Variants in PCDH15 observed in about 807,000 individuals in gnomAD.
The protein encoded by PCDH15 is protocadherin-15.
Under a neutral mutation model 178.5 loss-of-function variants are expected in PCDH15, and 129 were observed. That is an observed-to-expected ratio of 0.72 (90% CI 0.63 to 0.84). The LOEUF (loss-of-function observed/expected upper bound fraction) is 0.84. Ranked by LOEUF, PCDH15 falls within the 40% of genes least tolerant of loss-of-function variation. PCDH15 has a pLI of 0.00. For missense variants in PCDH15, 2,230 were observed against 2,099.9 expected, an observed-to-expected ratio of 1.06 and a Z score of -1.21; for synonymous variants, 800 against 732.0, an observed-to-expected ratio of 1.09 and a Z score of -1.50.
At chr10:54,368,473 T>C (rs951187768) in intron 5 of PCDH15, among the ~76,000 whole-genome samples, 2 of 151,968 alleles carry the variant, frequency 1.3e-5, no homozygotes, top group Non-Finnish European at 2.9e-5. Context: ...TAAAAATAAT[T>C]AATACAGTAA....
At chr10:54,175,690 T>C (rs867875536) in intron 13 of PCDH15, among the ~76,000 whole-genome samples, 43 of 152,310 alleles carry the variant, frequency 2.8e-4, no homozygotes, top group Middle Eastern at 6.8e-3. Context: ...CTAGCTAGCC[T>C]GCCTCCCAAT....
intron 1 of PCDH15, among the ~76,000 whole-genome samples, chr10:54,696,340 C>G: frequency 6.6e-6 from 1 of 152,040 alleles, no homozygotes; most frequent in East Asian, 1.9e-4. Flanking sequence ...GCTGCAATCT[C>G]ATGATAAAAT....
intron 2 of PCDH15, among the ~76,000 whole-genome samples, chr10:55,110,314 C>G (rs1837468272): frequency 1.3e-5 from 2 of 151,938 alleles, no homozygotes; most frequent in South Asian, 4.1e-4. Flanking sequence ...TATATTGGAA[C>G]AGTGTCTGGT....
intron 25 of PCDH15, among the ~76,000 whole-genome samples, chr10:53,937,791 C>CA (rs1250320049): frequency 1.3e-5 from 2 of 152,108 alleles, no homozygotes; most frequent in Non-Finnish European, 2.9e-5. Flanking sequence ...TCTTTTCTCT[C>CA]ACACTGCCTG....
intron 25 of PCDH15, among the ~76,000 whole-genome samples, chr10:53,917,404 C>G (rs2083615159): frequency 6.6e-6 from 1 of 151,728 alleles, no homozygotes; most frequent in Non-Finnish European, 1.5e-5. Context: ...ATATTTATGC[C>G]CCAAAACTAA....
chr10:54,747,116 C>CTTT (rs1945570891), intron 1 of PCDH15, among the ~76,000 whole-genome samples: 1 of 152,166 alleles, frequency 6.6e-6, no homozygotes, highest in African/African-American at 2.4e-5. Flanking sequence ...TTAGCACATA[C>CTTT]CACATTTCCA....
intron 1 of PCDH15, among the ~76,000 whole-genome samples, chr10:55,297,768 AT>A (rs1843170290): frequency 6.6e-6 from 1 of 152,242 alleles, no homozygotes; most frequent in Admixed American, 6.5e-5. Context: ...GGGCTGGGGC[AT>A]GACTGAGAAA....
chr10:55,283,374 T>C (rs546904057), intron 1 of PCDH15, among the ~76,000 whole-genome samples: 1 of 152,144 alleles, frequency 6.6e-6, no homozygotes, highest in East Asian at 1.9e-4. Context: ...TTAAAAACTC[T>C]GATCCCTGAA....
At chr10:54,894,269 A>G (rs1408815435) in intron 3 of PCDH15, among the ~76,000 whole-genome samples, 1 of 152,154 alleles carries the variant, frequency 6.6e-6, no homozygotes, top group Non-Finnish European at 1.5e-5. Flanking sequence ...CAAGGGGTTT[A>G]TAATCTGTGG....
intron 2 of PCDH15, among the ~76,000 whole-genome samples, chr10:55,589,558 T>C (rs1316368130): frequency 1.3e-5 from 2 of 151,980 alleles, no homozygotes; most frequent in Non-Finnish European, 2.9e-5. Flanking sequence ...TTTCGCAACC[T>C]ACTCATCTGA....
intron 18 of PCDH15, among the ~76,000 whole-genome samples, chr10:54,049,297 A>G (rs1420671703): frequency 6.6e-6 from 1 of 152,108 alleles, no homozygotes; most frequent in Non-Finnish European, 1.5e-5. Flanking sequence ...CTAGGTATAG[A>G]ATAATAATTT....
chr10:54,433,254 A>G (rs939510932), intron 3 of PCDH15, among the ~76,000 whole-genome samples: 10 of 152,162 alleles, frequency 6.6e-5, no homozygotes, highest in African/African-American at 2.4e-4. Context: ...AGTATATCAG[A>G]TATATCTGCA....
chr10:54,075,356 G>A (rs1027010324), intron 17 of PCDH15, among the ~76,000 whole-genome samples: 1 of 150,014 alleles, frequency 6.7e-6, no homozygotes, highest in Non-Finnish European at 1.5e-5. Flanking sequence ...CAGCCTGGGT[G>A]ACAGAGCAAA....
intron 2 of PCDH15, among the ~76,000 whole-genome samples, chr10:55,164,223 C>T (rs895489400): frequency 1.3e-5 from 2 of 151,886 alleles, no homozygotes; most frequent in Non-Finnish European, 2.9e-5. Flanking sequence ...TACTTGAGTA[C>T]AGATACTAAA....
chr10:54,295,001 T>A (rs2059657483), intron 8 of PCDH15, among the ~76,000 whole-genome samples: 1 of 152,198 alleles, frequency 6.6e-6, no homozygotes, highest in African/African-American at 2.4e-5. Context: ...GGTGATAAAT[T>A]CATAGTGTGG....
chr10:55,072,080 T>C (rs973969871), intron 2 of PCDH15, among the ~76,000 whole-genome samples: 6 of 151,906 alleles, frequency 3.9e-5, no homozygotes, highest in Non-Finnish European at 8.8e-5. Flanking sequence ...CCAGAATCTC[T>C]GGAACACATT....
At chr10:55,078,939 C>A (rs1043095556) in intron 2 of PCDH15, among the ~76,000 whole-genome samples, 2 of 152,118 alleles carry the variant, frequency 1.3e-5, no homozygotes, top group African/African-American at 4.8e-5. Context: ...AATTTTCATT[C>A]TATTCAATGA....
intron 8 of PCDH15, among the ~76,000 whole-genome samples, chr10:54,311,850 G>A (rs1314008086): frequency 6.6e-6 from 1 of 151,924 alleles, no homozygotes; most frequent in Non-Finnish European, 1.5e-5. Context: ...TTGATATAAA[G>A]CGATTTTTAT....
At chr10:55,551,609 T>C (rs1227933704) in intron 2 of PCDH15, among the ~76,000 whole-genome samples, 1 of 151,754 alleles carries the variant, frequency 6.6e-6, no homozygotes, top group African/African-American at 2.4e-5. Context: ...GTAAAGTAGA[T>C]TACAAAACAA....
Sources: gnomAD v4.1 joint callset for allele counts (sites outside exome capture counted in the v4.1 genomes callset) on GRCh38, gnomAD v4.1.1 for gene constraint, MANE v1.5 for transcripts, NCBI Gene and HGNC (gene_info 2026-07-23, HGNC 2026-07-21) for gene names.